The following AFF2 variants were observed in gnomAD, a reference collection of about 807,000 sequenced individuals.
AFF2 encodes AF4/FMR2 family member 2.
Under a neutral mutation model 76.9 loss-of-function variants are expected in AFF2, and 14 were observed. That is an observed-to-expected ratio of 0.18 (90% confidence interval 0.12 to 0.28). AFF2 has a LOEUF of 0.28. Among genes scored for constraint, AFF2 ranks in the 10% least tolerant of loss-of-function variants. AFF2 has a pLI of 1.00. For synonymous variants in AFF2, 398 were observed against 366.7 expected, an observed-to-expected ratio of 1.09 and a Z score of -0.98; for missense variants, 868 against 1,001.1, an observed-to-expected ratio of 0.87 and a Z score of 1.79.
At chrX:148,501,507 C>T (rs1399158188) in intron 1 of AFF2, among the ~76,000 whole-genome samples, 3 of 113,352 alleles carry the variant, frequency 2.6e-5, no homozygotes, top group Non-Finnish European at 5.6e-5. Flanking sequence ...GGATGCCGCC[C>T]GCCCGAAATG....
chrX:148,539,658 C>T (rs1376170112), intron 1 of AFF2, among the ~76,000 whole-genome samples: 2 of 110,921 alleles, frequency 1.8e-5, no homozygotes. Flanking sequence ...TAAGATTGAA[C>T]TATCTTTTTT....
At chrX:148,876,242 T>G (rs1557277872) in intron 7 of AFF2, among the ~76,000 whole-genome samples, 1 of 111,867 alleles carries the variant, frequency 8.9e-6, no homozygotes, top group Non-Finnish European at 1.9e-5. Context: ...GTTATAGCAA[T>G]TCTATAAGAC....
chrX:148,791,064 T>G (rs901795668), intron 3 of AFF2, among the ~76,000 whole-genome samples: 24 of 112,083 alleles, frequency 2.1e-4, no homozygotes, highest in African/African-American at 6.8e-4. Flanking sequence ...GGACCCATTT[T>G]ACCATTAAAT....
At chrX:148,573,967 A>G (rs1403453110) in intron 1 of AFF2, among the ~76,000 whole-genome samples, 7 of 110,910 alleles carry the variant, frequency 6.3e-5, no homozygotes, top group Admixed American at 5.8e-4. Context: ...CACCCTTAGC[A>G]TCGTGTACTC....
At position 148,521,893 on chromosome X, in the gene AFF2, G is replaced by A. The variant is rs891920105; in HGVS notation, c.47+20749G>A. Reference sequence around the variant, plus strand: ...GAAACAGCCCTTGTGCCGTCCAAAAGCACTGCTCCTTTCTCCTCAGTTGCA... The same window carrying A: ...GAAACAGCCCTTGTGCCGTCCAAAAACACTGCTCCTTTCTCCTCAGTTGCA... On this transcript the variant is annotated intron_variant, in intron 1 of 20. Coordinates refer to ENST00000370460, the MANE Select transcript of AFF2 (RefSeq NM_002025.4). Among the ~76,000 whole-genome samples the A allele has an allele frequency of 4.2e-4, 47 of 112,019 alleles. 1 individual carries two copies. The highest frequency in any genetic ancestry group is 1.3e-3 in the African/African-American group (40 of 30,858).
At chrX:148,788,226 T>C (rs1393467490) in intron 3 of AFF2, among the ~76,000 whole-genome samples, 1 of 112,079 alleles carries the variant, frequency 8.9e-6, no homozygotes, top group Non-Finnish European at 1.9e-5. Flanking sequence ...TTTATTTTCA[T>C]TCAGAATTAT....
chrX:148,897,280 A>ATAT (rs2071304529), intron 8 of AFF2, among the ~76,000 whole-genome samples: 1 of 48,871 alleles, frequency 2.0e-5, no homozygotes, highest in Non-Finnish European at 3.9e-5. Context: ...TATGTATATG[A>ATAT]AAAATATATA....
At chrX:148,697,284 T>C (rs1402079618) in intron 3 of AFF2, among the ~76,000 whole-genome samples, 5 of 112,512 alleles carry the variant, frequency 4.4e-5, no homozygotes, top group Admixed American at 1.9e-4. Context: ...ATATAATTTT[T>C]AATATACCAA....
chrX:148,870,037 C>T (rs2070954625), intron 7 of AFF2, among the ~76,000 whole-genome samples: 1 of 111,404 alleles, frequency 9.0e-6, no homozygotes, highest in African/African-American at 3.3e-5. Flanking sequence ...ACGCAATTCA[C>T]CCCCTAACAA....
At chrX:148,776,521 G>A (rs2069668871) in intron 3 of AFF2, among the ~76,000 whole-genome samples, 1 of 112,177 alleles carries the variant, frequency 8.9e-6, no homozygotes. Flanking sequence ...TCCAGCATCT[G>A]TTGTTTCCTT....
intron 1 of AFF2, among the ~76,000 whole-genome samples, chrX:148,637,087 CAT>C (rs1557253950): frequency 8.9e-6 from 1 of 111,956 alleles, no homozygotes; most frequent in Admixed American, 9.5e-5. Context: ...AACTACTTAG[CAT>C]AGTTTTGTTG....
At chrX:148,694,855 G>T (rs371785531) in intron 3 of AFF2, among the ~76,000 whole-genome samples, 2 of 82,025 alleles carry the variant, frequency 2.4e-5, no homozygotes, top group Non-Finnish European at 4.4e-5. Flanking sequence ...TCGCTCTGTC[G>T]CCCAGGCTGG....
intron 3 of AFF2, among the ~76,000 whole-genome samples, chrX:148,720,459 A>G (rs1557263698): frequency 9.1e-6 from 1 of 109,459 alleles, no homozygotes; most frequent in Admixed American, 9.9e-5. Context: ...ACTCTTGTCA[A>G]TTCTATCTTC....
rs201428826 is a variant in AFF2, at chrX:148,581,076, C to T, written c.48-70923C>T. Among the ~76,000 whole-genome samples the T allele has an allele frequency of 3.7e-3, 150 of 40,210 alleles. 1 individual carries two copies. Among genetic ancestry groups the T allele is most frequent in the African/African-American group, 9.2e-3 (126 of 13,677 alleles). The allele number at this position is 40,210 out of a possible 115,157, so 34.9% of individuals were successfully genotyped here. A position where few individuals can be genotyped will look rare whatever the true frequency, so the allele number is the denominator to read the frequency against. On this transcript the variant is annotated intron_variant, in intron 1 of 20. Transcript: ENST00000370460. The stretch of plus-strand genomic sequence containing the variant: ...ATATGTGTATATGTATATATACACA[C>T]ATATATACATATGTGTATATGTATA...
Position 148,865,612 on chromosome X carries a change from C to G in AFF2, c.1263-20277C>G, listed in dbSNP as rs1250760173. 3.6e-5 allele frequency among the ~76,000 whole-genome samples: 4 copies of G among 111,840 alleles called. No individual in the cohort carries two copies. The Admixed American group carries it at 3.8e-4, about 11-fold the overall frequency. ...CCATTTTACACTGGCCTTTACCCCA[C>G]CAGGATTTTTTCTTAAAGACAAAAC... is the stretch of plus-strand genomic sequence containing the variant. On this transcript the variant is annotated intron_variant, in intron 7 of 20. Transcript: ENST00000370460.
chrX:148,752,515 A>G (rs1471420983), intron 3 of AFF2, among the ~76,000 whole-genome samples: 2 of 111,865 alleles, frequency 1.8e-5, no homozygotes, highest in East Asian at 5.6e-4. Flanking sequence ...TAGCATCCCA[A>G]TTTTTTAAAA....
chrX:148,543,755 A>T (rs985090319), intron 1 of AFF2, among the ~76,000 whole-genome samples: 21 of 112,474 alleles, frequency 1.9e-4, no homozygotes, highest in Non-Finnish European at 1.3e-4. Context: ...TAAACATGCA[A>T]GAATTGATAT....
At position 148,500,631 on chromosome X, in the gene AFF2, A is replaced by AGCCGCCGCCGCCGCCGCC. The variant is rs1167407264; in HGVS notation, c.-462_-461insCGCCGCCGCCGCCGCCGC. The AGCCGCCGCCGCCGCCGCC allele has an allele frequency of 4.0e-4, 25 of 62,503 alleles. No individual in the cohort carries two copies. Among genetic ancestry groups the AGCCGCCGCCGCCGCCGCC allele is most frequent in the East Asian group, 2.2e-3 (3 of 1,380 alleles). 5.2% of individuals were successfully genotyped at this position (62,503 alleles called of 1,213,427 possible). ...CCGCGGCCGCCGCCGCCGCCTGTGC[A>AGCCGCCGCCGCCGCCGCC]GCCGCTGCCGCCGCCGCCGCCGCCG... is the stretch of plus-strand genomic sequence containing the variant. On this transcript the variant is annotated 5_prime_UTR_variant, in exon 1 of 21. Transcript: ENST00000370460.
At chrX:148,849,910 A>G (rs1336870786) in intron 7 of AFF2, among the ~76,000 whole-genome samples, 6 of 111,960 alleles carry the variant, frequency 5.4e-5, no homozygotes, top group African/African-American at 1.9e-4. Context: ...TTAGGCCAAA[A>G]TGGACTAACC....
Sources: allele counts gnomAD v4.1 joint callset (sites outside exome capture counted in the v4.1 genomes callset), GRCh38; gene constraint gnomAD v4.1.1; transcripts MANE v1.5; gene names NCBI Gene and HGNC (gene_info 2026-07-23, HGNC 2026-07-21).